Variants in UGT1A9 observed in about 807,000 individuals in gnomAD.
The protein encoded by UGT1A9 is UDP glucuronosyltransferase family 1 member A9.
A neutral mutation model predicts 45.0 loss-of-function variants in UGT1A9; 35 were observed. That is an observed-to-expected ratio of 0.78 (90% CI 0.59 to 1.03). UGT1A9 has a LOEUF of 1.03. UGT1A9 is among the 50% of genes least tolerant of loss of function. The probability of loss-of-function intolerance (pLI) is 0.00; values close to 1 mark genes in which losing one functional copy is unlikely to be tolerated. For synonymous variants in UGT1A9, 278 were observed against 250.6 expected, an observed-to-expected ratio of 1.11 and a Z score of -1.03; for missense variants, 687 against 666.6, an observed-to-expected ratio of 1.03 and a Z score of -0.34.
chr2:233,747,917 C>T, intron 1 of UGT1A9: 6 of 1,613,510 alleles, frequency 3.7e-6, no homozygotes, highest in Non-Finnish European at 5.1e-6. Flanking sequence ...CAAGCCTTGC[C>T]TCTGAGCTTT....
chr2:233,732,226 C>A (rs1208846132), intron 1 of UGT1A9, among the ~76,000 whole-genome samples: 1 of 152,142 alleles, frequency 6.6e-6, no homozygotes, highest in Non-Finnish European at 1.5e-5. Context: ...AAAATTTTCT[C>A]CCATTCTGTA....
At chr2:233,766,898 A>T in intron 1 of UGT1A9, 136 bp from the exon 2 acceptor site, 1 of 1,483,786 alleles carries the variant, frequency 6.7e-7, no homozygotes, top group Non-Finnish European at 8.9e-7. Flanking sequence ...ACATATTAAT[A>T]ATTTTTTACT....
chr2:233,695,863 A>G (rs933012349), intron 1 of UGT1A9, among the ~76,000 whole-genome samples: 2 of 152,224 alleles, frequency 1.3e-5, no homozygotes, highest in Non-Finnish European at 2.9e-5. Flanking sequence ...TCACTCAACA[A>G]CAAACAACGC....
At chr2:233,706,356 C>A (rs1347100238) in intron 1 of UGT1A9, among the ~76,000 whole-genome samples, 1 of 152,190 alleles carries the variant, frequency 6.6e-6, no homozygotes, top group African/African-American at 2.4e-5. Context: ...AAACATTCTT[C>A]CAATTTAGGC....
chr2:233,679,841 A>T (rs2074463720), intron 1 of UGT1A9, among the ~76,000 whole-genome samples: 1 of 152,136 alleles, frequency 6.6e-6, no homozygotes, highest in Non-Finnish European at 1.5e-5. Flanking sequence ...TTTTTCTCAA[A>T]TCACATTGGC....
intron 1 of UGT1A9, among the ~76,000 whole-genome samples, chr2:233,744,426 A>T (rs1305871447): frequency 6.6e-6 from 1 of 151,832 alleles, no homozygotes; most frequent in African/African-American, 2.4e-5. Flanking sequence ...TGTGGATTAT[A>T]TCTATCATAC....
At chr2:233,717,818 C>T (rs565320763) in intron 1 of UGT1A9, 84 of 455,640 alleles carry the variant, frequency 1.8e-4, no homozygotes, top group Non-Finnish European at 3.1e-4. Flanking sequence ...TTATGCAGCC[C>T]GTTCTGTTCT....
intron 1 of UGT1A9, chr2:233,760,107 A>T: frequency 8.4e-7 from 1 of 1,186,456 alleles, no homozygotes; most frequent in South Asian, 1.6e-5. Flanking sequence ...GCCTATTAAG[A>T]AACCTAATAA....
intron 1 of UGT1A9, among the ~76,000 whole-genome samples, chr2:233,681,016 AG>A (rs1402583514): frequency 1.3e-5 from 2 of 151,990 alleles, no homozygotes; most frequent in East Asian, 3.9e-4. Flanking sequence ...CAGAGGCCTC[AG>A]AAGATTTGGA....
intron 1 of UGT1A9, chr2:233,718,874 C>A: frequency 6.2e-7 from 1 of 1,613,892 alleles, no homozygotes; most frequent in Non-Finnish European, 8.5e-7. Flanking sequence ...GACTGCTGCT[C>A]CTCCTCAGTG....
intron 1 of UGT1A9, chr2:233,691,022 A>C: frequency 1.0e-6 from 1 of 993,022 alleles, no homozygotes; most frequent in Non-Finnish European, 1.2e-6. Context: ...TGTGGTTGGA[A>C]GGGCTCAGAC....
At chr2:233,712,194 G>T (rs796216388) in intron 1 of UGT1A9, among the ~76,000 whole-genome samples, 1 of 152,168 alleles carries the variant, frequency 6.6e-6, no homozygotes, top group Non-Finnish European at 1.5e-5. Context: ...CAGCTCCCCC[G>T]GTCCCTTGGT....
chr2:233,744,381 A>G (rs186112546), intron 1 of UGT1A9, among the ~76,000 whole-genome samples: 6 of 151,986 alleles, frequency 3.9e-5, no homozygotes, highest in East Asian at 3.9e-4. Flanking sequence ...CAGTTCTCCA[A>G]CGTTCCAGCC....
At position 233,707,370 on chromosome 2, in the gene UGT1A9, A is replaced by C. The variant is rs567793964; in HGVS notation, c.855+34581A>C. ...AGATCAACCCATCACCTAGGTATTA[A>C]GCTCAGCATCCATGAGCTATTCTTT... On this transcript the variant is annotated intron_variant, in intron 1 of 4. Coordinates refer to ENST00000354728, the MANE Select transcript of UGT1A9 (RefSeq NM_021027.3). Among the ~76,000 whole-genome samples the C allele has an allele frequency of 3.9e-5, 6 of 152,172 alleles. No homozygotes were observed. The South Asian group carries it at 1.2e-3, about 32-fold the overall frequency.
intron 1 of UGT1A9, among the ~76,000 whole-genome samples, chr2:233,674,606 C>T (rs1235731242): frequency 6.6e-6 from 1 of 151,866 alleles, no homozygotes; most frequent in East Asian, 1.9e-4. Context: ...AAATATGAAA[C>T]ATCAAACTAT....
intron 1 of UGT1A9, among the ~76,000 whole-genome samples, chr2:233,724,822 C>T (rs372493213): frequency 2.2e-5 from 3 of 135,968 alleles, no homozygotes; most frequent in Admixed American, 7.3e-5. Flanking sequence ...GCTGCAATCT[C>T]GGCACTTTGG....
intron 1 of UGT1A9, chr2:233,743,097 G>A: frequency 2.8e-6 from 1 of 351,688 alleles, no homozygotes; most frequent in Non-Finnish European, 5.6e-6. Flanking sequence ...AAATTCTTGG[G>A]TACAGCTGTT....
At chr2:233,691,686 G>A (rs1176171768) in intron 1 of UGT1A9, 5 of 955,192 alleles carry the variant, frequency 5.2e-6, no homozygotes, top group East Asian at 1.2e-4. Context: ...GAAACCTGAA[G>A]CTCAGGAGAG....
chr2:233,743,988 C>T (rs893316227), intron 1 of UGT1A9: 14 of 1,273,410 alleles, frequency 1.1e-5, no homozygotes, highest in Middle Eastern at 2.4e-4. Flanking sequence ...CAGGCGCAGG[C>T]CCGAGTGCTC....
Sources: gnomAD v4.1 joint callset for allele counts (sites outside exome capture counted in the v4.1 genomes callset) on GRCh38, gnomAD v4.1.1 for gene constraint, MANE v1.5 for transcripts, NCBI Gene and HGNC (gene_info 2026-07-23, HGNC 2026-07-21) for gene names.